Variants in NMNAT3 observed in about 807,000 individuals in gnomAD.
NMNAT3 encodes the protein nicotinamide nucleotide adenylyltransferase 3.
NMNAT3 carries 21 observed loss-of-function variants against 24.8 expected under a neutral mutation model. The ratio of observed to expected loss-of-function variants is 0.85; its 90% CI spans 0.60 to 1.22. The LOEUF (loss-of-function observed/expected upper bound fraction) is 1.22, where lower values mean the gene tolerates loss of function less well. NMNAT3 is among the 50% of genes most tolerant of loss of function. NMNAT3 has a pLI of 0.00. For synonymous variants in NMNAT3, 136 were observed against 155.2 expected, an observed-to-expected ratio of 0.88 and a Z score of 0.92; for missense variants, 387 against 436.6, an observed-to-expected ratio of 0.89 and a Z score of 1.01.
chr3:139,599,586 T>C, intron 3 of NMNAT3: 1 of 601,722 alleles, frequency 1.7e-6, no homozygotes, highest in Non-Finnish European at 2.9e-6. Flanking sequence ...AACTAAATGG[T>C]TATGCATGCC....
At chr3:139,665,818 G>A (rs550887032) in intron 1 of NMNAT3, among the ~76,000 whole-genome samples, 2 of 149,648 alleles carry the variant, frequency 1.3e-5, no homozygotes, top group East Asian at 2.0e-4. Context: ...AAAGCAAAAT[G>A]TAGAACAGAG....
At chr3:139,591,652 TCCCTGAC>T (rs1425055125) in intron 3 of NMNAT3, among the ~76,000 whole-genome samples, 1 of 152,146 alleles carries the variant, frequency 6.6e-6, no homozygotes, top group Non-Finnish European at 1.5e-5. Context: ...CTTAAGTGGG[TCCCTGAC>T]CCCTGACCCC....
intron 3 of NMNAT3, among the ~76,000 whole-genome samples, chr3:139,614,716 G>C (rs2055404400): frequency 6.6e-6 from 1 of 152,164 alleles, no homozygotes; most frequent in African/African-American, 2.4e-5. Flanking sequence ...GTCCCATATT[G>C]GTGGTGTTAG....
chr3:139,574,892 A>G (rs191906976), intron 5 of NMNAT3, among the ~76,000 whole-genome samples: 2 of 152,130 alleles, frequency 1.3e-5, no homozygotes, highest in Non-Finnish European at 2.9e-5. Flanking sequence ...CTAGAATTAG[A>G]CTGGGTTGGA....
chr3:139,620,774 A>C (rs2055732818), intron 3 of NMNAT3, among the ~76,000 whole-genome samples: 1 of 152,084 alleles, frequency 6.6e-6, no homozygotes. Context: ...ACCGTCTTAT[A>C]ACTCCACATC....
At chr3:139,600,991 G>A (rs771073888) in intron 3 of NMNAT3, among the ~76,000 whole-genome samples, 15 of 152,126 alleles carry the variant, frequency 9.9e-5, no homozygotes, top group Non-Finnish European at 1.2e-4. Context: ...AGGGTCTCAT[G>A]GCCCCTCAAA....
intron 3 of NMNAT3, among the ~76,000 whole-genome samples, chr3:139,589,275 A>G (rs6778279): frequency 0.24 from 36,624 of 152,176 alleles, 4,604 homozygotes; most frequent in Admixed American, 0.36. Flanking sequence ...TTATCAAATA[A>G]ATAAGACATT....
intron 1 of NMNAT3, among the ~76,000 whole-genome samples, chr3:139,641,769 A>C (rs538956143): frequency 5.9e-5 from 9 of 152,350 alleles, no homozygotes; most frequent in African/African-American, 2.2e-4. Flanking sequence ...TTCCATGAGC[A>C]GATGTTCCAG....
At chr3:139,592,106 A>G (rs1405040023) in intron 3 of NMNAT3, among the ~76,000 whole-genome samples, 2 of 152,318 alleles carry the variant, frequency 1.3e-5, no homozygotes, top group East Asian at 3.9e-4. Context: ...AGACTAACCA[A>G]TACAGAGAAG....
intron 5 of NMNAT3, among the ~76,000 whole-genome samples, chr3:139,577,124 T>TC (rs370914065): frequency 0.022 from 2,663 of 123,056 alleles, 74 homozygotes; most frequent in African/African-American, 0.073. Flanking sequence ...AGACCCTATC[T>TC]CAAAAAAAAA....
At chr3:139,618,652 G>A (rs1046718785) in intron 3 of NMNAT3, among the ~76,000 whole-genome samples, 1 of 152,164 alleles carries the variant, frequency 6.6e-6, no homozygotes, top group Admixed American at 6.5e-5. Flanking sequence ...ACGGAAGAAA[G>A]ATTTACTTTT....
At chr3:139,645,556 T>C (rs964984916) in intron 1 of NMNAT3, among the ~76,000 whole-genome samples, 3 of 152,190 alleles carry the variant, frequency 2.0e-5, no homozygotes, top group African/African-American at 7.2e-5. Flanking sequence ...CATGGTCGCA[T>C]GACCGCTGTT....
At chr3:139,646,390 T>C (rs2056871545) in intron 1 of NMNAT3, among the ~76,000 whole-genome samples, 1 of 152,182 alleles carries the variant, frequency 6.6e-6, no homozygotes, top group African/African-American at 2.4e-5. Flanking sequence ...TCACATTCAA[T>C]AGTTTTTTAT....
chr3:139,660,443 C>A (rs1215658563), intron 1 of NMNAT3, among the ~76,000 whole-genome samples: 1 of 152,180 alleles, frequency 6.6e-6, no homozygotes, highest in East Asian at 1.9e-4. Flanking sequence ...TAAAGTCCCT[C>A]ACAGCTCAAG....
At chr3:139,663,276 AAGC>A (rs1476913041) in intron 1 of NMNAT3, among the ~76,000 whole-genome samples, 1 of 152,168 alleles carries the variant, frequency 6.6e-6, no homozygotes, top group Non-Finnish European at 1.5e-5. Flanking sequence ...TTTCACTGAT[AAGC>A]ATATTTGTGA....
intron 3 of NMNAT3, among the ~76,000 whole-genome samples, chr3:139,595,612 G>A (rs913222046): frequency 6.6e-6 from 1 of 152,148 alleles, no homozygotes; most frequent in Non-Finnish European, 1.5e-5. Flanking sequence ...CCAAAACAGA[G>A]ATATAGATCA....
chr3:139,627,861 T>C, intron 2 of NMNAT3, 97 bp from the exon 4 acceptor site: 1 of 494,566 alleles, frequency 2.0e-6, no homozygotes, highest in Non-Finnish European at 3.5e-6. Context: ...ACTTCTCACT[T>C]GTAAGATGAC....
At chr3:139,673,846 A>G (rs927301889) in intron 1 of NMNAT3, among the ~76,000 whole-genome samples, 2 of 152,024 alleles carry the variant, frequency 1.3e-5, no homozygotes, top group African/African-American at 4.8e-5. Context: ...TACAGGGAAC[A>G]CTTGGTCCAA....
intron 1 of NMNAT3, among the ~76,000 whole-genome samples, chr3:139,675,362 A>G (rs35657101): frequency 0.41 from 61,712 of 152,058 alleles, 12,776 homozygotes; most frequent in Non-Finnish European, 0.45. Context: ...TGCAAGGTGC[A>G]GTGGCAGCCC....
Sources: gnomAD v4.1 joint callset for allele counts (sites outside exome capture counted in the v4.1 genomes callset) on GRCh38, gnomAD v4.1.1 for gene constraint, MANE v1.5 for transcripts, NCBI Gene and HGNC (gene_info 2026-07-23, HGNC 2026-07-21) for gene names.